NTRK3: variants seen among roughly 807,000 people sequenced by gnomAD.
The protein encoded by NTRK3 is NT-3 growth factor receptor.
In NTRK3, 24 loss-of-function variants were observed where a neutral mutation model predicts 91.7. The ratio of observed to expected loss-of-function variants is 0.26; its 90% confidence interval spans 0.19 to 0.37. The LOEUF (loss-of-function observed/expected upper bound fraction) is 0.37. Among genes scored for constraint, NTRK3 ranks in the 10% least tolerant of loss-of-function variants. The pLI is 1.00. For synonymous variants in NTRK3, 483 were observed against 404.0 expected (o/e 1.20, Z -2.34); for missense variants, 880 against 1,068.9 (o/e 0.82, Z 2.46).
chr15:88,168,770 A>G (rs994294063), intron 5 of NTRK3, among the ~76,000 whole-genome samples: 1 of 152,184 alleles, frequency 6.6e-6, no homozygotes. Flanking sequence ...TAATTCCTCT[A>G]TGAAGCAGGT....
intron 14 of NTRK3, among the ~76,000 whole-genome samples, chr15:87,985,856 C>A (rs1212392733): frequency 6.6e-6 from 1 of 151,988 alleles, no homozygotes; most frequent in East Asian, 1.9e-4. Flanking sequence ...TATTTCAAGG[C>A]TCTAACTCAA....
exon 19 of NTRK3, chr15:87,869,986 G>A (rs2064781179): frequency 5.2e-6 from 1 of 192,708 alleles, no homozygotes; most frequent in Non-Finnish European, 1.1e-5. Flanking sequence ...TTGGGTTTTA[G>A]GGATGTTGCA....
At chr15:88,146,882 T>A (rs2042935288) in intron 6 of NTRK3, among the ~76,000 whole-genome samples, 1 of 152,186 alleles carries the variant, frequency 6.6e-6, no homozygotes, top group Non-Finnish European at 1.5e-5. Flanking sequence ...GTCTCACGTG[T>A]CTTTCTAAGC....
intron 17 of NTRK3, among the ~76,000 whole-genome samples, chr15:87,881,569 G>T (rs189670307): frequency 1.3e-4 from 20 of 151,932 alleles, no homozygotes; most frequent in African/African-American, 4.3e-4. Flanking sequence ...ACAGGTGCCC[G>T]CTGCCACACC....
chr15:88,019,233 C>T (rs2077441710), intron 14 of NTRK3, among the ~76,000 whole-genome samples: 2 of 152,206 alleles, frequency 1.3e-5, no homozygotes, highest in African/African-American at 4.8e-5. Flanking sequence ...ATTCTACCCC[C>T]TGTACCCCAA....
chr15:87,971,154 A>G (rs1358286130), intron 14 of NTRK3, among the ~76,000 whole-genome samples: 3 of 152,230 alleles, frequency 2.0e-5, no homozygotes, highest in Non-Finnish European at 2.9e-5. Context: ...CCCAAGAAGG[A>G]CATTCTCAGA....
intron 13 of NTRK3, among the ~76,000 whole-genome samples, chr15:88,039,544 G>T (rs898631458): frequency 3.3e-5 from 5 of 152,132 alleles, no homozygotes; most frequent in Admixed American, 1.3e-4. Flanking sequence ...TCCCCTCCCT[G>T]TTCTTCCACA....
At chr15:88,127,751 A>C (rs1266356986) in intron 11 of NTRK3, among the ~76,000 whole-genome samples, 11 of 152,122 alleles carry the variant, frequency 7.2e-5, no homozygotes, top group Non-Finnish European at 1.6e-4. Flanking sequence ...TCAGCCCACT[A>C]TCCATTCCCC....
At chr15:88,132,482 A>G (rs1049798877) in intron 10 of NTRK3, among the ~76,000 whole-genome samples, 2 of 152,158 alleles carry the variant, frequency 1.3e-5, no homozygotes, top group African/African-American at 4.8e-5. Context: ...AGGCCACCAG[A>G]TGGGAGGGCT....
intron 13 of NTRK3, among the ~76,000 whole-genome samples, chr15:88,108,799 T>C (rs113579275): frequency 4.7e-4 from 71 of 152,258 alleles, no homozygotes; most frequent in African/African-American, 1.6e-3. Context: ...ACCAGCCTCA[T>C]ATAAGGAGCT....
intron 14 of NTRK3, among the ~76,000 whole-genome samples, chr15:87,958,737 GCTCT>G (rs1398268029): frequency 3.3e-5 from 5 of 151,924 alleles, no homozygotes; most frequent in African/African-American, 1.2e-4. Context: ...AAGCCACGAG[GCTCT>G]CTCACCTGGG....
intron 14 of NTRK3, among the ~76,000 whole-genome samples, chr15:88,020,545 T>C (rs534484017): frequency 6.6e-6 from 1 of 152,314 alleles, no homozygotes; most frequent in East Asian, 1.9e-4. Flanking sequence ...TATCAGAAAT[T>C]GTAATGATAG....
chr15:87,935,602 G>A (rs1008919749), intron 15 of NTRK3, among the ~76,000 whole-genome samples: 1 of 152,060 alleles, frequency 6.6e-6, no homozygotes, highest in Non-Finnish European at 1.5e-5. Flanking sequence ...ACTGAACCCA[G>A]CATGGGTGGG....
At chr15:88,077,830 G>T (rs1484853097) in intron 13 of NTRK3, among the ~76,000 whole-genome samples, 1 of 152,144 alleles carries the variant, frequency 6.6e-6, no homozygotes. Flanking sequence ...TAAAATAACA[G>T]GTGGGTCTCC....
chr15:88,244,792 C>A (rs932558313), intron 3 of NTRK3, among the ~76,000 whole-genome samples: 2 of 152,208 alleles, frequency 1.3e-5, no homozygotes, highest in Non-Finnish European at 2.9e-5. Context: ...GGTCCTGAAG[C>A]CCCCTCTTCA....
At chr15:88,164,903 A>T (rs2044787672) in intron 5 of NTRK3, among the ~76,000 whole-genome samples, 1 of 152,178 alleles carries the variant, frequency 6.6e-6, no homozygotes, top group South Asian at 2.1e-4. Context: ...TGCAGTGTTC[A>T]TGCCTACACC....
At chr15:88,213,851 G>A (rs1003101476) in intron 3 of NTRK3, among the ~76,000 whole-genome samples, 8 of 152,118 alleles carry the variant, frequency 5.3e-5, no homozygotes, top group African/African-American at 1.2e-4. Context: ...AGGATAAGGC[G>A]GGTGGATCAC....
At chr15:88,200,541 G>A (rs115217238) in intron 3 of NTRK3, among the ~76,000 whole-genome samples, 1,800 of 152,274 alleles carry the variant, frequency 0.012, 47 homozygotes, top group African/African-American at 0.041. Context: ...TGCTGTTCTC[G>A]TGATAATGGG....
chr15:87,894,580 C>G (rs937961729), intron 17 of NTRK3, among the ~76,000 whole-genome samples: 8 of 152,240 alleles, frequency 5.3e-5, no homozygotes, highest in African/African-American at 1.7e-4. Flanking sequence ...GGAGGAAAGA[C>G]CCAAAGTCTT....
Sources: gnomAD v4.1 joint callset for allele counts (sites outside exome capture counted in the v4.1 genomes callset) on GRCh38, gnomAD v4.1.1 for gene constraint, MANE v1.5 for transcripts, NCBI Gene and HGNC (gene_info 2026-07-23, HGNC 2026-07-21) for gene names.